Variants in NOX4 observed in about 807,000 individuals in gnomAD.
NOX4 encodes the protein NADPH oxidase 4.
NOX4 carries 69 observed loss-of-function variants against 87.6 expected under a neutral mutation model. The observed-to-expected ratio is 0.79, with a 90% CI of 0.65 to 0.96. The LOEUF is 0.96. Among genes scored for constraint, NOX4 ranks in the 40% least tolerant of loss-of-function variants. NOX4 has a pLI of 0.00. For missense variants in NOX4, 680 were observed against 681.5 expected (o/e 1.00, Z 0.02); for synonymous variants, 275 against 238.2 (o/e 1.15, Z -1.42).
chr11:89,579,816 C>A, the NOX4 span, among the ~76,000 whole-genome samples: 8 of 150,434 alleles, frequency 5.3e-5, no homozygotes, highest in African/African-American at 1.7e-4. Context: ...CCAATTAATT[C>A]AAAAATGAAG....
chr11:89,578,638 C>A, the NOX4 span, among the ~76,000 whole-genome samples: 1 of 152,056 alleles, frequency 6.6e-6, no homozygotes, highest in Non-Finnish European at 1.5e-5. Context: ...CTTTCTGACT[C>A]CAAGGTGAAG....
At chr11:89,505,030 C>T in the NOX4 span, among the ~76,000 whole-genome samples, 1 of 152,014 alleles carries the variant, frequency 6.6e-6, no homozygotes, top group South Asian at 2.1e-4. Context: ...AGCGTCTTTT[C>T]TATAAGCTAA....
intron 4 of NOX4, among the ~76,000 whole-genome samples, chr11:89,444,864 A>G (rs1262198247): frequency 6.6e-6 from 1 of 152,188 alleles, no homozygotes; most frequent in African/African-American, 2.4e-5. Context: ...TAGAGCTCAC[A>G]TAAATAATAG....
At chr11:89,373,294 A>AAAAAC (rs1939591006) in intron 12 of NOX4, 138 bp downstream of exon 12, 1 of 494,704 alleles carries the variant, frequency 2.0e-6, no homozygotes. Flanking sequence ...AAAAAAAAAA[A>AAAAAC]AAAACAAAAA....
At chr11:89,545,671 GATAA>G in the NOX4 span, 2 of 145,960 alleles carry the variant, frequency 1.4e-5, no homozygotes, top group Non-Finnish European at 3.0e-5. Flanking sequence ...AAAATAGTTG[GATAA>G]ATACTCAAAT....
At chr11:89,514,604 T>C in the NOX4 span, among the ~76,000 whole-genome samples, 1 of 152,016 alleles carries the variant, frequency 6.6e-6, no homozygotes, top group African/African-American at 2.4e-5. Context: ...TGAGTACTTC[T>C]TATGATGTTA....
At chr11:89,344,312 G>C (rs1305811792) in intron 13 of NOX4, among the ~76,000 whole-genome samples, 1 of 152,148 alleles carries the variant, frequency 6.6e-6, no homozygotes, top group African/African-American at 2.4e-5. Flanking sequence ...TGTAATCCCA[G>C]CACTTAGGGA....
At chr11:89,500,770 A>G (rs895650818), upstream of NOX4, among the ~76,000 whole-genome samples, 1 of 152,176 alleles carries the variant, frequency 6.6e-6, no homozygotes, top group African/African-American at 2.4e-5. Flanking sequence ...GACCTTGTAA[A>G]TGAGTTGTAG....
the NOX4 span, among the ~76,000 whole-genome samples, chr11:89,506,877 C>T: frequency 6.6e-6 from 1 of 151,856 alleles, no homozygotes; most frequent in African/African-American, 2.4e-5. Context: ...GATAGCACTA[C>T]ATACCTATCA....
chr11:89,512,838 G>A, the NOX4 span, among the ~76,000 whole-genome samples: 8 of 152,034 alleles, frequency 5.3e-5, no homozygotes, highest in Non-Finnish European at 1.2e-4. Context: ...GCAGTTACTG[G>A]TCTGTATGTA....
chr11:89,362,135 T>C (rs985845281), intron 12 of NOX4, among the ~76,000 whole-genome samples: 1 of 151,360 alleles, frequency 6.6e-6, no homozygotes, highest in Non-Finnish European at 1.5e-5. Flanking sequence ...TCATGGGTAT[T>C]GATCCCTAAT....
chr11:89,422,007 T>A (rs765725294), intron 7 of NOX4, 25 bp from the exon 8 acceptor site: 1 of 1,187,770 alleles, frequency 8.4e-7, no homozygotes, highest in Non-Finnish European at 1.2e-6. Context: ...ACACTCATTT[T>A]AATGCTACTT....
intron 2 of NOX4, among the ~76,000 whole-genome samples, chr11:89,482,440 T>C (rs180957713): frequency 6.6e-6 from 1 of 152,120 alleles, no homozygotes; most frequent in East Asian, 1.9e-4. Context: ...GGATGGGCCC[T>C]AATCCAATAT....
At chr11:89,425,439 C>T (rs1199758134) in intron 7 of NOX4, among the ~76,000 whole-genome samples, 1 of 147,752 alleles carries the variant, frequency 6.8e-6, no homozygotes, top group African/African-American at 2.5e-5. Flanking sequence ...ACAAAATCTA[C>T]CCAAAACATT....
intron 12 of NOX4, among the ~76,000 whole-genome samples, chr11:89,367,212 C>G (rs980841943): frequency 2.6e-5 from 4 of 152,086 alleles, no homozygotes; most frequent in African/African-American, 9.7e-5. Context: ...ATAGGTTAAT[C>G]CTCATCCTGA....
intron 11 of NOX4, among the ~76,000 whole-genome samples, chr11:89,380,434 A>C (rs893970723): frequency 1.3e-5 from 2 of 152,124 alleles, no homozygotes; most frequent in Admixed American, 6.6e-5. Context: ...CAACAATCAA[A>C]AGATGGTTGA....
chr11:89,570,001 CAAAAAAAA>C, the NOX4 span, among the ~76,000 whole-genome samples: 3 of 109,942 alleles, frequency 2.7e-5, no homozygotes, highest in African/African-American at 6.8e-5. Flanking sequence ...GACTCTGTCT[CAAAAAAAA>C]AAAAAAAAGA....
At chr11:89,568,094 A>T in the NOX4 span, among the ~76,000 whole-genome samples, 1 of 152,128 alleles carries the variant, frequency 6.6e-6, no homozygotes, top group Admixed American at 6.5e-5. Context: ...GGGCCTGGAC[A>T]CCACACCTTA....
At chr11:89,550,853 A>G in the NOX4 span, among the ~76,000 whole-genome samples, 1 of 152,114 alleles carries the variant, frequency 6.6e-6, no homozygotes, top group Admixed American at 6.5e-5. Flanking sequence ...TGTTTTAGTC[A>G]TGAAGACTTT....
Sources: allele counts gnomAD v4.1 joint callset (sites outside exome capture counted in the v4.1 genomes callset), GRCh38; gene constraint gnomAD v4.1.1; transcripts MANE v1.5; gene names NCBI Gene and HGNC (gene_info 2026-07-23, HGNC 2026-07-21).